FAM168A: variants seen among roughly 807,000 people sequenced by gnomAD.
FAM168A encodes the protein protein FAM168A.
FAM168A carries 3 observed loss-of-function variants against 28.5 expected under a neutral mutation model. The observed-to-expected ratio is 0.11, with a 90% CI of 0.05 to 0.27. The LOEUF (loss-of-function observed/expected upper bound fraction) is 0.27. FAM168A is among the 10% of genes least tolerant of loss of function. The pLI is 1.00. For synonymous variants in FAM168A, 122 were observed against 124.2 expected, an observed-to-expected ratio of 0.98 and a Z score of 0.12; for missense variants, 222 against 311.5, an observed-to-expected ratio of 0.71 and a Z score of 2.16.
At chr11:73,539,237 A>G (rs1413476732) in intron 1 of FAM168A, among the ~76,000 whole-genome samples, 1 of 152,062 alleles carries the variant, frequency 6.6e-6, no homozygotes, top group Non-Finnish European at 1.5e-5. Flanking sequence ...TATAGGATAC[A>G]CAATCAAGAC....
At chr11:73,425,170 G>T in intron 3 of FAM168A, 1 of 658,128 alleles carries the variant, frequency 1.5e-6, no homozygotes, top group Non-Finnish European at 2.5e-6. Flanking sequence ...CACAAAAGCA[G>T]TAAATAAAGA....
chr11:73,535,799 G>C (rs1943572386), intron 1 of FAM168A, among the ~76,000 whole-genome samples: 1 of 148,192 alleles, frequency 6.7e-6, no homozygotes, highest in Non-Finnish European at 1.5e-5. Context: ...GGGCTGAAGT[G>C]ATCCTCCCAC....
chr11:73,521,157 G>A (rs1015074335), intron 1 of FAM168A, among the ~76,000 whole-genome samples: 1 of 152,220 alleles, frequency 6.6e-6, no homozygotes, highest in Non-Finnish European at 1.5e-5. Flanking sequence ...TTGGTAGGTT[G>A]TTCTGCATGT....
At chr11:73,514,199 T>C (rs1855284347) in intron 1 of FAM168A, among the ~76,000 whole-genome samples, 1 of 151,314 alleles carries the variant, frequency 6.6e-6, no homozygotes, top group Admixed American at 6.6e-5. Context: ...GCCACTGTAC[T>C]CCAGCCTGGG....
chr11:73,459,379 G>A (rs537941065), intron 2 of FAM168A, among the ~76,000 whole-genome samples: 3 of 151,802 alleles, frequency 2.0e-5, no homozygotes, highest in South Asian at 2.1e-4. Flanking sequence ...TCAGCTACTC[G>A]GGAGGCTGAG....
chr11:73,430,246 A>ATATGTG (rs1491152764), intron 3 of FAM168A: 3 of 147,390 alleles, frequency 2.0e-5, no homozygotes, highest in African/African-American at 5.1e-5. Context: ...TGGCAAGAGC[A>ATATGTG]TGTGTGTGTG....
chr11:73,484,485 G>A (rs993876099), intron 1 of FAM168A, among the ~76,000 whole-genome samples: 2 of 147,308 alleles, frequency 1.4e-5, no homozygotes, highest in Non-Finnish European at 3.0e-5. Flanking sequence ...TCTCTAGAGG[G>A]GCAGAACTAA....
intron 1 of FAM168A, among the ~76,000 whole-genome samples, chr11:73,587,170 A>C (rs1344479812): frequency 3.3e-5 from 5 of 151,124 alleles, no homozygotes; most frequent in Admixed American, 6.6e-5. Context: ...AAAAAAAAAA[A>C]AAAAAAAACT....
chr11:73,501,168 A>C (rs1855004364), intron 1 of FAM168A, among the ~76,000 whole-genome samples: 1 of 152,240 alleles, frequency 6.6e-6, no homozygotes, highest in African/African-American at 2.4e-5. Flanking sequence ...TATGCATCCA[A>C]TACAGGAGCA....
intron 1 of FAM168A, among the ~76,000 whole-genome samples, chr11:73,536,202 A>C: frequency 6.6e-6 from 1 of 152,214 alleles, no homozygotes; most frequent in Non-Finnish European, 1.5e-5. Context: ...ACGAACAGAC[A>C]ACCAAGAATC....
chr11:73,484,665 GATAT>G (rs1318340026), intron 1 of FAM168A, among the ~76,000 whole-genome samples: 4 of 141,408 alleles, frequency 2.8e-5, no homozygotes, highest in Non-Finnish European at 6.1e-5. Context: ...TATATAGATA[GATAT>G]AGATATGTAT....
chr11:73,461,093 G>A (rs1424975955), intron 2 of FAM168A, among the ~76,000 whole-genome samples: 1 of 152,072 alleles, frequency 6.6e-6, no homozygotes, highest in Non-Finnish European at 1.5e-5. Context: ...AGATACAGGA[G>A]TAAATCAGAT....
chr11:73,575,383 T>A (rs1216194271), intron 1 of FAM168A, among the ~76,000 whole-genome samples: 1 of 152,246 alleles, frequency 6.6e-6, no homozygotes, highest in East Asian at 1.9e-4. Context: ...TGCTGTAATA[T>A]CTAACAGTTT....
intron 2 of FAM168A, among the ~76,000 whole-genome samples, chr11:73,446,453 G>A (rs746861993): frequency 6.6e-6 from 1 of 152,046 alleles, no homozygotes; most frequent in Non-Finnish European, 1.5e-5. Flanking sequence ...GAAAAAAGAG[G>A]GATTCCTCAA....
At chr11:73,416,234 T>A (rs977993505) in intron 4 of FAM168A, among the ~76,000 whole-genome samples, 17 of 152,234 alleles carry the variant, frequency 1.1e-4, no homozygotes, top group African/African-American at 4.1e-4. Flanking sequence ...AATGGGATAA[T>A]AAAAAGAGTA....
At chr11:73,495,087 G>A (rs965756506) in intron 1 of FAM168A, among the ~76,000 whole-genome samples, 4 of 151,284 alleles carry the variant, frequency 2.6e-5, no homozygotes, top group South Asian at 4.2e-4. Context: ...AGACTCCCCA[G>A]GGAATTGCCT....
chr11:73,480,986 C>T (rs542315279), intron 1 of FAM168A, among the ~76,000 whole-genome samples: 21 of 152,322 alleles, frequency 1.4e-4, no homozygotes, highest in East Asian at 9.6e-4. Context: ...TGAGTCTTTA[C>T]ACATGCTGTT....
At chr11:73,493,546 G>A (rs1413459945) in intron 1 of FAM168A, among the ~76,000 whole-genome samples, 1 of 152,100 alleles carries the variant, frequency 6.6e-6, no homozygotes, top group African/African-American at 2.4e-5. Context: ...CTCCTAAGTA[G>A]CTGGGTCTAC....
intron 1 of FAM168A, among the ~76,000 whole-genome samples, chr11:73,483,803 C>G (rs1359702127): frequency 6.6e-6 from 1 of 152,164 alleles, no homozygotes; most frequent in Non-Finnish European, 1.5e-5. Context: ...AACTGGGAAT[C>G]TGGAAATACT....
Sources: allele counts gnomAD v4.1 joint callset (sites outside exome capture counted in the v4.1 genomes callset), GRCh38; gene constraint gnomAD v4.1.1; transcripts MANE v1.5; gene names NCBI Gene and HGNC (gene_info 2026-07-23, HGNC 2026-07-21).